The following ZNF385B variants were observed in gnomAD, a reference collection of about 807,000 sequenced individuals.
The protein encoded by ZNF385B is zinc finger protein 533.
Under a neutral mutation model 39.2 loss-of-function variants are expected in ZNF385B, and 23 were observed. That is an observed-to-expected ratio of 0.59 (90% CI 0.42 to 0.83). ZNF385B has a LOEUF of 0.83. ZNF385B is among the 40% of genes least tolerant of loss of function. The pLI is 0.00. For missense variants in ZNF385B, 552 were observed against 598.9 expected (o/e 0.92, Z 0.82); for synonymous variants, 205 against 222.6 (o/e 0.92, Z 0.70).
chr2:179,614,217 T>A (rs1689540101), intron 3 of ZNF385B, among the ~76,000 whole-genome samples: 1 of 151,914 alleles, frequency 6.6e-6, no homozygotes, highest in African/African-American at 2.4e-5. Flanking sequence ...TATGAAGGTG[T>A]TTTTTGTGTG....
intron 5 of ZNF385B, among the ~76,000 whole-genome samples, chr2:179,494,086 G>C (rs1357804010): frequency 6.6e-6 from 1 of 151,952 alleles, no homozygotes; most frequent in East Asian, 1.9e-4. Flanking sequence ...GACAAGTAAG[G>C]GGTAGACTAT....
chr2:179,845,970 C>T (rs1007545987), intron 1 of ZNF385B, among the ~76,000 whole-genome samples: 5 of 152,116 alleles, frequency 3.3e-5, no homozygotes, highest in African/African-American at 7.2e-5. Flanking sequence ...ATAAAGGGGA[C>T]GTTTCAGAGA....
intron 1 of ZNF385B, among the ~76,000 whole-genome samples, chr2:179,812,441 C>T (rs1706794860): frequency 6.6e-6 from 1 of 152,158 alleles, no homozygotes; most frequent in Non-Finnish European, 1.5e-5. Context: ...ACACATACAT[C>T]ATGGAATACT....
intron 3 of ZNF385B, among the ~76,000 whole-genome samples, chr2:179,638,814 G>A (rs1184554662): frequency 1.3e-5 from 2 of 152,112 alleles, no homozygotes; most frequent in Non-Finnish European, 2.9e-5. Flanking sequence ...AAACTGATGA[G>A]AACAAGTTGA....
intron 1 of ZNF385B, among the ~76,000 whole-genome samples, chr2:179,772,197 A>G (rs1337187380): frequency 6.6e-6 from 1 of 152,208 alleles, no homozygotes; most frequent in Non-Finnish European, 1.5e-5. Flanking sequence ...TTAAATATAC[A>G]TATTTTAAGT....
At chr2:179,462,571 T>A (rs1256456285) in intron 6 of ZNF385B, among the ~76,000 whole-genome samples, 1 of 151,908 alleles carries the variant, frequency 6.6e-6, no homozygotes, top group East Asian at 1.9e-4. Flanking sequence ...TCCATTAAGA[T>A]AGTTAATGGA....
intron 3 of ZNF385B, among the ~76,000 whole-genome samples, chr2:179,693,349 G>C (rs1008103996): frequency 3.3e-5 from 5 of 152,128 alleles, no homozygotes; most frequent in Non-Finnish European, 7.4e-5. Context: ...AAGGGAGAAG[G>C]GGGCAGAAAC....
chr2:179,541,635 A>C (rs1326812935), intron 4 of ZNF385B, among the ~76,000 whole-genome samples: 1 of 152,194 alleles, frequency 6.6e-6, no homozygotes, highest in Non-Finnish European at 1.5e-5. Context: ...TCAAAGAACA[A>C]GTGGACAATT....
chr2:179,614,061 T>C (rs1689526453), intron 3 of ZNF385B, among the ~76,000 whole-genome samples: 1 of 151,200 alleles, frequency 6.6e-6, no homozygotes. Context: ...ACAGATTCTC[T>C]TTCTGTGACA....
intron 6 of ZNF385B, among the ~76,000 whole-genome samples, chr2:179,455,498 AG>A (rs745970834): frequency 7.9e-5 from 12 of 152,204 alleles, no homozygotes; most frequent in Non-Finnish European, 1.6e-4. Context: ...CATGTGAAGA[AG>A]GGCATGTTTG....
At chr2:179,588,864 A>G (rs1212426352) in intron 3 of ZNF385B, among the ~76,000 whole-genome samples, 2 of 152,210 alleles carry the variant, frequency 1.3e-5, no homozygotes, top group East Asian at 1.9e-4. Flanking sequence ...TTTAGCGGCT[A>G]TACACAGAAG....
intron 4 of ZNF385B, among the ~76,000 whole-genome samples, chr2:179,541,820 G>C (rs1304920514): frequency 6.6e-6 from 1 of 152,126 alleles, no homozygotes; most frequent in Non-Finnish European, 1.5e-5. Context: ...AGAGCACAAA[G>C]ATTTCTGATT....
At chr2:179,540,649 C>G (rs1162409299) in intron 4 of ZNF385B, among the ~76,000 whole-genome samples, 4 of 152,176 alleles carry the variant, frequency 2.6e-5, no homozygotes, top group Non-Finnish European at 4.4e-5. Flanking sequence ...CCTTTCCTCT[C>G]TTCCAAAAAA....
At chr2:179,842,776 G>A (rs916590230) in intron 1 of ZNF385B, among the ~76,000 whole-genome samples, 6 of 152,174 alleles carry the variant, frequency 3.9e-5, no homozygotes, top group African/African-American at 1.4e-4. Context: ...TAGCCTCATA[G>A]TTTTGCACAT....
chr2:179,773,754 T>C (rs536750958), intron 1 of ZNF385B, among the ~76,000 whole-genome samples: 1 of 152,284 alleles, frequency 6.6e-6, no homozygotes, highest in Admixed American at 6.5e-5. Context: ...CAATGAGAAA[T>C]ACAGAGGAGA....
chr2:179,755,547 TTA>T (rs1486422385), intron 3 of ZNF385B, among the ~76,000 whole-genome samples: 1 of 152,152 alleles, frequency 6.6e-6, no homozygotes, highest in Non-Finnish European at 1.5e-5. Flanking sequence ...AAGTCTCTCA[TTA>T]TTATTTTGTG....
At chr2:179,802,017 C>G (rs185190001) in intron 1 of ZNF385B, among the ~76,000 whole-genome samples, 9 of 152,220 alleles carry the variant, frequency 5.9e-5, no homozygotes, top group Admixed American at 1.3e-4. Flanking sequence ...TAAGCTATTT[C>G]TCAGTATTAC....
intron 4 of ZNF385B, among the ~76,000 whole-genome samples, chr2:179,530,020 AT>A (rs35970194): frequency 0.19 from 28,671 of 152,138 alleles, 3,373 homozygotes; most frequent in Non-Finnish European, 0.27. Context: ...GATGTGTAAA[AT>A]GTGAAATAGA....
intron 3 of ZNF385B, among the ~76,000 whole-genome samples, chr2:179,736,991 T>C (rs1701802927): frequency 6.6e-6 from 1 of 152,118 alleles, no homozygotes; most frequent in African/African-American, 2.4e-5. Flanking sequence ...AACAAAACTT[T>C]ATACTGGAGT....
Sources: gnomAD v4.1 joint callset for allele counts (sites outside exome capture counted in the v4.1 genomes callset) on GRCh38, gnomAD v4.1.1 for gene constraint, MANE v1.5 for transcripts, NCBI Gene and HGNC (gene_info 2026-07-23, HGNC 2026-07-21) for gene names.